Variants in RASAL3 observed in about 807,000 individuals in gnomAD.
The protein encoded by RASAL3 is RAS protein activator like 3, also known as RAS protein activator like-3.
In RASAL3, 74 loss-of-function variants were observed where a neutral mutation model predicts 105.5. The ratio of observed to expected loss-of-function variants is 0.70; its 90% CI spans 0.58 to 0.85. The LOEUF (loss-of-function observed/expected upper bound fraction) is 0.85. Among genes scored for constraint, RASAL3 ranks in the 40% least tolerant of loss-of-function variants. RASAL3 has a pLI of 0.00. For synonymous variants in RASAL3, 579 were observed against 591.6 expected, an observed-to-expected ratio of 0.98 and a Z score of 0.31; for missense variants, 1,352 against 1,392.0, an observed-to-expected ratio of 0.97 and a Z score of 0.46.
chr19:15,461,565 A>G lies in RASAL3; in HGVS notation c.371T>C (p.Ile124Thr). Residue 124 changes from isoleucine to threonine, a missense_variant, in exon 3 of 18, where the codon ATC (isoleucine) becomes ACC (threonine). Transcript: ENST00000343625. ...CACGTTGGGTGTGGGGGCCTCAGGG[A>G]TCTGTGGGGTAGGGGGCTCCAGCTC... ...EPELEPPTPQIPEAPTPNVPV... is the reference protein window; with the variant it reads ...EPELEPPTPQTPEAPTPNVPV... 6.5e-7 allele frequency: 1 copy of G among 1,535,892 alleles called. No homozygotes were observed. The highest frequency in any genetic ancestry group is 8.7e-7 in the Non-Finnish European group (1 of 1,146,734).
chr19:15,454,664 G>A lies in RASAL3; in HGVS notation c.1951C>T (p.Arg651Cys), dbSNP rs890076731. Reference sequence around the variant, plus strand: ...TAGCTTCCCAGCACCTACGGGGCACGGTTGGCGAGGTTCTGGATGACCTTG... The same window carrying A: ...TAGCTTCCCAGCACCTACGGGGCACAGTTGGCGAGGTTCTGGATGACCTTG... Reference protein sequence around the residue: ...IAKVIQNLANRAPFGEKEAYM... With the variant: ...IAKVIQNLANCAPFGEKEAYM... The change falls in exon 12 of 18, where the codon CGT becomes TGT. Residue 651 changes from arginine to cysteine, a missense_variant. Physicochemically the swap from Arg to Cys is radical, Grantham distance 180. This residue lies in a region of RASAL3 where 920 missense variants were observed against 919.6 expected (regional missense o/e 1.00). Transcript: ENST00000343625. The A allele has an allele frequency of 2.4e-5, 39 of 1,609,202 alleles. No homozygotes were observed. The highest frequency in any genetic ancestry group is 1.6e-4 in the Middle Eastern group (1 of 6,062).
intron 3 of RASAL3, 70 bp from the exon 4 acceptor site, chr19:15,461,366 A>T: frequency 6.5e-7 from 1 of 1,541,506 alleles, no homozygotes; most frequent in Non-Finnish European, 8.8e-7. Context: ...AGACCGAGGG[A>T]GAGGCAGACA....
In RASAL3 at chr19:15,457,138, G is replaced by T. The variant is rs1009031525; in HGVS notation, c.1431+154C>A. The stretch of plus-strand genomic sequence containing the variant: ...GCCCCGCCCTTCTAGGTGCCCCGCC[G>T]CTTACAGGTGACACTTGGACCACGC... On this transcript the variant is annotated intron_variant, in intron 9 of 17. Transcript: ENST00000343625. This position sits in a 1 kb window ranked among gnomAD's most constrained non-coding sequence, Gnocchi z 8.6. 6.6e-6 allele frequency among the ~76,000 whole-genome samples: 1 copy of T among 151,596 alleles called. No homozygotes were observed. The highest frequency in any genetic ancestry group is 2.4e-5 in the African/African-American group (1 of 41,238).
chr19:15,451,756 C>CAGAGA lies in RASAL3; in HGVS notation c.*38_*39insTCTCT. The stretch of plus-strand genomic sequence containing the variant: ...CACCCCCCCTAAGATGGCTATCTCT[C>CAGAGA]TGCTCCCAGACCACGTGTGATGAGG... On this transcript the variant is annotated 3_prime_UTR_variant, in exon 18 of 18. Transcript: ENST00000343625. 6.4e-7 allele frequency: 1 copy of CAGAGA among 1,560,160 alleles called. No homozygotes were observed. The highest frequency in any genetic ancestry group is 8.7e-7 in the Non-Finnish European group (1 of 1,146,468).
At position 15,458,231 on chromosome 19, in the gene RASAL3, C is replaced by T. The variant is rs901513917; in HGVS notation, c.888+97G>A. 6.2e-5 allele frequency: 70 copies of T among 1,132,264 alleles called. No homozygotes were observed. The East Asian group carries it at 1.5e-3, about 24-fold the overall frequency. The allele number at this position is 1,132,264 out of a possible 1,614,324, so 70.1% of individuals were successfully genotyped here. A position where few individuals can be genotyped will look rare whatever the true frequency, so the allele number is the denominator to read the frequency against. On this transcript the variant is annotated intron_variant, in intron 8 of 17. Transcript: ENST00000343625. Reference sequence around the variant, plus strand: ...GCAGGCGGGGCAGGTGTGTTGGGGGCGCGGGTTATGGAGCGAGCTGGCTTT... The same window carrying T: ...GCAGGCGGGGCAGGTGTGTTGGGGGTGCGGGTTATGGAGCGAGCTGGCTTT...
At chr19:15,458,224 T>C in intron 8 of RASAL3, 104 bp downstream of exon 8, 1 of 1,036,668 alleles carries the variant, frequency 9.6e-7, no homozygotes, top group Non-Finnish European at 1.4e-6. Context: ...GGCAGGTGTG[T>C]TGGGGGCGCG....
Position 15,453,279 on chromosome 19 carries a change from C to G in RASAL3, c.2498G>C (p.Gly833Ala). The G allele has an allele frequency of 6.5e-7, 1 of 1,535,994 alleles. No individual in the cohort carries two copies. Among genetic ancestry groups the G allele is most frequent in the African/African-American group, 1.4e-5 (1 of 72,312 alleles). Reference protein sequence around the residue: ...RRPARRRQSAGPWPRPKGSLS... With the variant: ...RRPARRRQSAAPWPRPKGSLS... ...GGAGCCTTTGGGTCGCGGCCAGGGC[C>G]CCGCAGATTGGCGGCGGCGGGCAGG... Residue 833 changes from glycine to alanine, a missense_variant, in exon 15 of 18, where the codon GGG (glycine) becomes GCG (alanine). By Grantham distance (60) the Gly-to-Ala change is moderately conservative (BLOSUM62 0). Around this residue, in one of 3 missense-constraint regions of RASAL3, gnomAD observed 920 missense variants for 919.6 expected, o/e 1.00. Coordinates refer to ENST00000343625, the MANE Select transcript of RASAL3 (RefSeq NM_022904.3). This position sits in a 1 kb window ranked among gnomAD's most constrained non-coding sequence, Gnocchi z 4.2.
Position 15,454,362 on chromosome 19 carries a change from T to C in RASAL3, c.2159A>G (p.Gln720Arg). 3 of 1,609,788 alleles carry C rather than the reference T, an allele frequency of 1.9e-6. No individual in the cohort carries two copies. Among genetic ancestry groups the C allele is most frequent in the South Asian group, 1.1e-5 (1 of 90,452 alleles). The stretch of plus-strand genomic sequence containing the variant: ...CCCTACTCTGGGTTCAGGCCATACC[T>C]GGTCAAGCTCAGCAAAAATTGTACA... ...QLCTIFAELD[Q>R]TTRDTLEPLP... Residue 720 changes from glutamine (Q) to arginine (R), a missense_variant and splice_region_variant, in exon 13 of 18, where the codon CAG (glutamine) becomes CGG (arginine). Around this residue, in one of 3 missense-constraint regions of RASAL3, gnomAD observed 920 missense variants for 919.6 expected, o/e 1.00. Transcript: ENST00000343625.
chr19:15,464,314 T>G lies in RASAL3; in HGVS notation c.45A>C (p.Thr15=). ...GGTAGGAAGTCAGCGGAGAGGTGGC[T>G]GTGGGCTGGGTTTGGGAGGTCCGGC... is the stretch of plus-strand genomic sequence containing the variant. ...SPSRTSQTQP[T]ATSPLTSYRW... The change falls in exon 2 of 18, where the codon ACA becomes ACC. Residue 15 remains threonine, a synonymous_variant. Coordinates refer to ENST00000343625, the MANE Select transcript of RASAL3 (RefSeq NM_022904.3). 1.5e-6 allele frequency: 2 copies of G among 1,365,836 alleles called. No individual in the cohort carries two copies. The highest frequency in any genetic ancestry group is 1.9e-6 in the Non-Finnish European group (2 of 1,033,422). 84.6% of individuals were successfully genotyped at this position (1,365,836 alleles called of 1,614,324 possible).
Position 15,464,121 on chromosome 19 carries a change from T to C in RASAL3, c.238A>G (p.Thr80Ala). Residue 80 changes from threonine (T) to alanine (A), a missense_variant, in exon 2 of 18, where the codon ACC becomes GCC. By Grantham distance (58) the Thr-to-Ala change is moderately conservative. Around this residue, in one of 3 missense-constraint regions of RASAL3, gnomAD observed 344 missense variants for 339.6 expected, o/e 1.01. Transcript: ENST00000343625. ...GCCTTGGAGAGTCGAAGGCGACTGG[T>C]CCGTGACTCCTTGGGAGGCGCAGAT... ...VLSAPPKESRTSRLRLSKALW... is the reference protein window; with the variant it reads ...VLSAPPKESRASRLRLSKALW... 1 of 1,613,472 alleles carries C rather than the reference T, an allele frequency of 6.2e-7. No homozygotes were observed.
Position 15,453,794 on chromosome 19 carries a change from C to T in RASAL3, c.2280-297G>A, listed in dbSNP as rs1202966512. ...TTTTTTTTGGTAGAGATGGGGTCTC[C>T]CTATGTTGCCCAGGCTTGTCTTAAG... On this transcript the variant is annotated intron_variant, in intron 14 of 17. Transcript: ENST00000343625. The surrounding 1 kb of genome is among the most constrained non-coding windows in gnomAD (Gnocchi z 4.2). 6.6e-6 allele frequency among the ~76,000 whole-genome samples: 1 copy of T among 151,544 alleles called. No homozygotes were observed. The highest frequency in any genetic ancestry group is 6.6e-5 in the Admixed American group (1 of 15,240).
rs747799052 is a variant in RASAL3, at chr19:15,456,481, A to C, written c.1576+21T>G. On this transcript the variant is annotated intron_variant, in intron 10 of 17. Transcript: ENST00000343625. The surrounding 1 kb of genome is among the most constrained non-coding windows in gnomAD (Gnocchi z 4.4). ...CCTAGCTCACCAGCAGGCCGCTGAC[A>C]TGGACTCTCCCCCAGCTCACCCAGG... 1.9e-6 allele frequency: 3 copies of C among 1,612,970 alleles called. No individual in the cohort carries two copies. Among genetic ancestry groups the C allele is most frequent in the Non-Finnish European group, 2.5e-6 (3 of 1,179,430 alleles).
intron 8 of RASAL3, 65 bp downstream of exon 8, chr19:15,458,263 A>T: frequency 6.8e-7 from 1 of 1,476,146 alleles, no homozygotes; most frequent in Non-Finnish European, 9.3e-7. Context: ...CTTTGGGTAG[A>T]GTGGAAGGGG....
chr19:15,457,490 C>T lies in RASAL3; in HGVS notation c.1233G>A (p.Ala411=), dbSNP rs774270528. ...ERWFPLLGAP[A]GAALRARIRA... The stretch of plus-strand genomic sequence containing the variant: ...GAATCCGCGCCCGCAGCGCTGCGCC[C>T]GCCGGCGCCCCGAGCAGCGGGAACC... Residue 411 remains alanine (A), a synonymous_variant, in exon 9 of 18, where the codon GCG becomes GCA. Transcript: ENST00000343625. This position sits in a 1 kb window ranked among gnomAD's most constrained non-coding sequence, Gnocchi z 8.6. The T allele has an allele frequency of 8.3e-7, 1 of 1,207,244 alleles. No homozygotes were observed. Among genetic ancestry groups the T allele is most frequent in the Non-Finnish European group, 1.0e-6 (1 of 966,984 alleles). 74.8% of individuals were successfully genotyped at this position (1,207,244 alleles called of 1,614,324 possible).
In RASAL3 at chr19:15,453,055, CA is replaced by C; in HGVS notation, c.2670+51del. The stretch of plus-strand genomic sequence containing the variant: ...ACTTGCCTGGCCCTTCAGTCTTCCC[CA>C]GTCGCGTCCCTGTTCCCACTCCCCA... On this transcript the variant is annotated intron_variant, in intron 15 of 17. Transcript: ENST00000343625. The surrounding 1 kb of genome is among the most constrained non-coding windows in gnomAD (Gnocchi z 4.2). 1.2e-6 allele frequency: 2 copies of C among 1,608,364 alleles called. No homozygotes were observed. Among genetic ancestry groups the C allele is most frequent in the Non-Finnish European group, 1.7e-6 (2 of 1,178,360 alleles).
intron 15 of RASAL3, 79 bp from the exon 16 acceptor site, chr19:15,452,894 A>C (rs1005169370): frequency 5.6e-5 from 82 of 1,474,024 alleles, no homozygotes; most frequent in Non-Finnish European, 6.8e-5. Context: ...TCCCAGGCCC[A>C]AGCGCTCAGC....
rs758992628 is a variant in RASAL3 at position 15,464,371 on chromosome 19, G to C, written c.-13C>G. The C allele has an allele frequency of 1.1e-5, 16 of 1,459,232 alleles. 1 individual carries two copies. The highest frequency in any genetic ancestry group is 1.5e-5 in the Non-Finnish European group (16 of 1,052,794). 90.4% of individuals were successfully genotyped at this position (1,459,232 alleles called of 1,614,324 possible). A position where few individuals can be genotyped will look rare whatever the true frequency, so the allele number is the denominator to read the frequency against. On this transcript the variant is annotated 5_prime_UTR_variant, in exon 2 of 18. Coordinates refer to ENST00000343625, the MANE Select transcript of RASAL3 (RefSeq NM_022904.3). ...ACGGTGGGTCCATGGTTGGGGGGGG[G>C]GGTCTCCTGGGGGACGAGAGAGTGA... is the stretch of plus-strand genomic sequence containing the variant.
Position 15,457,246 on chromosome 19 carries a change from C to A in RASAL3, c.1431+46G>T. ...CCAACTCCTGCCCGAAGCGCGTTAT[C>A]GGTCTACCCCTGGTAGCCCCGGTCC... On this transcript the variant is annotated intron_variant, in intron 9 of 17. Coordinates refer to ENST00000343625, the MANE Select transcript of RASAL3 (RefSeq NM_022904.3). This position sits in a 1 kb window ranked among gnomAD's most constrained non-coding sequence, Gnocchi z 8.6. 8.1e-7 allele frequency: 1 copy of A among 1,232,848 alleles called. No homozygotes were observed. The highest frequency in any genetic ancestry group is 1.0e-6 in the Non-Finnish European group (1 of 983,554). The allele number at this position is 1,232,848 out of a possible 1,614,324, so 76.4% of individuals were successfully genotyped here.
At chr19:15,463,894 G>A in intron 2 of RASAL3, 137 bp downstream of exon 2, 1 of 768,030 alleles carries the variant, frequency 1.3e-6, no homozygotes, top group Non-Finnish European at 2.0e-6. Flanking sequence ...GGGTAGCTGG[G>A]CCCCAGCGGC....
Sources: allele counts gnomAD v4.1 joint callset (sites outside exome capture counted in the v4.1 genomes callset), GRCh38; gene constraint gnomAD v4.1.1; regional missense constraint gnomAD v4.1.1; non-coding constraint Gnocchi (gnomAD v3.1); transcripts MANE v1.5; gene names NCBI Gene and HGNC (gene_info 2026-07-23, HGNC 2026-07-21).